Variants in GPR89B observed in about 807,000 individuals in gnomAD.
GPR89B encodes golgi pH regulator B.
Under a neutral mutation model 52.4 loss-of-function variants are expected in GPR89B, and 25 were observed. The observed-to-expected ratio is 0.48, with a 90% CI of 0.35 to 0.67. The LOEUF (loss-of-function observed/expected upper bound fraction) is 0.67, where lower values mean the gene tolerates loss of function less well. Ranked by LOEUF, GPR89B falls within the 30% of genes least tolerant of loss-of-function variation. GPR89B has a pLI of 0.01. For synonymous variants in GPR89B, 52 were observed against 151.2 expected (o/e 0.34, Z 4.81); for missense variants, 146 against 450.2 (o/e 0.32, Z 6.11).
At chr1:147,994,630 G>T (rs1255770016), downstream of GPR89B, among the ~76,000 whole-genome samples, 1 of 152,114 alleles carries the variant, frequency 6.6e-6, no homozygotes, top group Non-Finnish European at 1.5e-5. Flanking sequence ...TTTTCAACTT[G>T]CTGTTTGACA....
chr1:147,995,940 C>T, downstream of GPR89B: 1 of 1,435,478 alleles, frequency 7.0e-7, no homozygotes, highest in African/African-American at 1.4e-5. Context: ...GGACATCAGA[C>T]TAGCTCTCCT....
intron 7 of GPR89B, 107 bp downstream of exon 7, chr1:147,954,509 A>G (rs1273561600): frequency 2.7e-5 from 4 of 149,762 alleles, no homozygotes; most frequent in East Asian, 2.0e-4. Flanking sequence ...CATTTTTACT[A>G]TAAGGTAAAG....
rs1483380337 is a variant in GPR89B at position 147,961,366 on chromosome 1, G to A, written c.618-5188G>A. Among the ~76,000 whole-genome samples, 6 of 151,860 alleles carry A rather than the reference G, an allele frequency of 4.0e-5. No individual in the cohort carries two copies. The South Asian group carries it at 1.2e-3, about 32-fold the overall frequency. On this transcript the variant is annotated intron_variant, in intron 7 of 13. Transcript: ENST00000314163. ...CAAAACATAAGAAAACTACACCTAT[G>A]TGTATATATAGTGAAACTGCTAAAA... is the stretch of plus-strand genomic sequence containing the variant.
chr1:147,962,792 G>A lies in GPR89B; in HGVS notation c.618-3762G>A, dbSNP rs1225258203. Among the ~76,000 whole-genome samples, 1,429 of 150,274 alleles carry A rather than the reference G, an allele frequency of 9.5e-3. 30 individuals carry two copies. The highest frequency in any genetic ancestry group is 0.034 in the African/African-American group (1,366 of 40,438). On this transcript the variant is annotated intron_variant, in intron 7 of 13. Transcript: ENST00000314163. Reference sequence around the variant, plus strand: ...GGGCACCTGTAATCCCAGCTACTGGGGAGGCTGAGGCAGGAGAATTGCTGA... The same window carrying A: ...GGGCACCTGTAATCCCAGCTACTGGAGAGGCTGAGGCAGGAGAATTGCTGA...
At chr1:147,932,983 C>CA (rs1287852182) in intron 1 of GPR89B, among the ~76,000 whole-genome samples, 4 of 152,134 alleles carry the variant, frequency 2.6e-5, no homozygotes, top group Admixed American at 6.5e-5. Context: ...ATAGGATAAT[C>CA]AAACCACTGT....
At chr1:148,013,155 G>A in the GPR89B span, among the ~76,000 whole-genome samples, 14 of 152,050 alleles carry the variant, frequency 9.2e-5, no homozygotes, top group Non-Finnish European at 1.5e-4. Context: ...TGGGGCGGGC[G>A]TGAGAGGTTT....
chr1:147,961,949 C>T (rs1571277536), intron 7 of GPR89B, among the ~76,000 whole-genome samples: 2 of 151,734 alleles, frequency 1.3e-5, no homozygotes, highest in South Asian at 4.1e-4. Flanking sequence ...TAGATATACA[C>T]AAAATTATTC....
At chr1:148,013,538 C>T in the GPR89B span, among the ~76,000 whole-genome samples, 1 of 152,070 alleles carries the variant, frequency 6.6e-6, no homozygotes, top group African/African-American at 2.4e-5. Flanking sequence ...GAGCATTTCC[C>T]GAGTGTCTTT....
the GPR89B span, chr1:148,014,782 G>C: frequency 6.6e-6 from 1 of 152,338 alleles, no homozygotes; most frequent in African/African-American, 2.4e-5. Context: ...CCGCGGTTCT[G>C]CCCGCCGCCT....
downstream of GPR89B, among the ~76,000 whole-genome samples, chr1:147,998,233 G>A (rs1374899101): frequency 6.9e-6 from 1 of 145,414 alleles, no homozygotes; most frequent in Non-Finnish European, 1.5e-5. Flanking sequence ...TGGAAGGTGA[G>A]CACAGTGTGG....
intron 11 of GPR89B, among the ~76,000 whole-genome samples, chr1:147,987,969 T>G (rs2149094236): frequency 6.6e-6 from 1 of 152,312 alleles, no homozygotes; most frequent in East Asian, 1.9e-4. Context: ...TTATTTAGTT[T>G]CCTTTTAATT....
Position 147,950,721 on chromosome 1 carries a change from C to A in GPR89B, c.416-2624C>A, listed in dbSNP as rs1475772826. Among the ~76,000 whole-genome samples the A allele has an allele frequency of 4.0e-5, 6 of 151,720 alleles. No individual in the cohort carries two copies. In the East Asian group the frequency reaches 5.9e-4, roughly 15 times the overall value. ...CGAGGCTGGCGGATCACTCGCAGTT[C>A]GGAGCTGGAGACCAGCCCGGCCAAC... On this transcript the variant is annotated intron_variant, in intron 5 of 13. Transcript: ENST00000314163.
intron 3 of GPR89B, among the ~76,000 whole-genome samples, chr1:147,939,843 A>T (rs1654396846): frequency 6.6e-6 from 1 of 151,246 alleles, no homozygotes; most frequent in South Asian, 2.1e-4. Flanking sequence ...ACAAAAAAAT[A>T]AAAAAAATCA....
chr1:147,936,692 A>G lies in GPR89B; in HGVS notation c.102+6A>G. 1.2e-6 allele frequency: 2 copies of G among 1,604,226 alleles called. No individual in the cohort carries two copies. Among genetic ancestry groups the G allele is most frequent in the Non-Finnish European group, 1.7e-6 (2 of 1,173,664 alleles). On this transcript the variant is annotated splice_donor_region_variant and intron_variant, in intron 2 of 13. Transcript: ENST00000314163. ...AATTGTTTAAAGACTATGAGGTGAG[A>G]AGAAATCATTTTGTCATACTTACAC...
chr1:148,009,508 G>A, the GPR89B span: 351 of 1,587,340 alleles, frequency 2.2e-4, 2 homozygotes, highest in East Asian at 6.1e-3. Context: ...AAGTCCACCC[G>A]TGTTTTCACT....
the GPR89B span, among the ~76,000 whole-genome samples, chr1:148,007,002 C>T: frequency 6.6e-6 from 1 of 151,962 alleles, no homozygotes; most frequent in East Asian, 1.9e-4. Context: ...CAGATATGAG[C>T]CACTGTGCCC....
At chr1:147,992,447 C>G (rs1302392871) in intron 12 of GPR89B, 55 bp from the exon 13 acceptor site, 4 of 1,582,572 alleles carry the variant, frequency 2.5e-6, no homozygotes, top group Non-Finnish European at 2.6e-6. Flanking sequence ...TCTTACTGTT[C>G]GTGACACAGG....
At chr1:147,947,333 CA>C (rs1167267658) in intron 5 of GPR89B, among the ~76,000 whole-genome samples, 158 of 73,540 alleles carry the variant, frequency 2.1e-3, no homozygotes, top group Middle Eastern at 8.3e-3. Flanking sequence ...GCGAGACTCT[CA>C]AAAAAAAAAA....
chr1:148,005,636 T>A, the GPR89B span: 1 of 1,068,058 alleles, frequency 9.4e-7, no homozygotes, highest in Non-Finnish European at 1.4e-6. Context: ...CTTCATTTAC[T>A]GTCCCTAGTC....
Sources: gnomAD v4.1 joint callset for allele counts (sites outside exome capture counted in the v4.1 genomes callset) on GRCh38, gnomAD v4.1.1 for gene constraint, MANE v1.5 for transcripts, NCBI Gene and HGNC (gene_info 2026-07-23, HGNC 2026-07-21) for gene names.